KCTD16: variants seen among roughly 807,000 people sequenced by gnomAD.
KCTD16 encodes the protein BTB/POZ domain-containing protein KCTD16.
Under a neutral mutation model 33.2 loss-of-function variants are expected in KCTD16, and 13 were observed. The observed-to-expected ratio is 0.39, with a 90% CI of 0.25 to 0.62. KCTD16 has a LOEUF of 0.62. Ranked by LOEUF, KCTD16 falls within the 20% of genes least tolerant of loss-of-function variation. KCTD16 has a pLI of 0.50. For missense variants in KCTD16, 441 were observed against 525.1 expected, an observed-to-expected ratio of 0.84 and a Z score of 1.57; for synonymous variants, 197 against 195.3, an observed-to-expected ratio of 1.01 and a Z score of -0.07.
At chr5:144,224,059 A>G (rs1488178196) in intron 3 of KCTD16, among the ~76,000 whole-genome samples, 1 of 151,950 alleles carries the variant, frequency 6.6e-6, no homozygotes, top group East Asian at 1.9e-4. Flanking sequence ...GTTCATTTTT[A>G]TTTGTTTTGT....
At chr5:144,242,390 A>C (rs1754428490) in intron 3 of KCTD16, among the ~76,000 whole-genome samples, 1 of 152,112 alleles carries the variant, frequency 6.6e-6, no homozygotes, top group African/African-American at 2.4e-5. Flanking sequence ...AAACCATAGA[A>C]AATTATATAC....
intron 3 of KCTD16, among the ~76,000 whole-genome samples, chr5:144,218,507 A>C (rs917499412): frequency 6.6e-6 from 1 of 152,128 alleles, no homozygotes; most frequent in African/African-American, 2.4e-5. Flanking sequence ...TAGCTGTGCA[A>C]ATGATATTAT....
intron 3 of KCTD16, among the ~76,000 whole-genome samples, chr5:144,362,130 A>G (rs1751728429): frequency 6.6e-6 from 1 of 152,122 alleles, no homozygotes; most frequent in African/African-American, 2.4e-5. Context: ...TCTTCAAACT[A>G]CTAGAGCAAC....
At chr5:144,304,005 C>A (rs1364762127) in intron 3 of KCTD16, among the ~76,000 whole-genome samples, 2 of 152,142 alleles carry the variant, frequency 1.3e-5, no homozygotes, top group Non-Finnish European at 2.9e-5. Flanking sequence ...CCATAATTGC[C>A]ATTTTACCAC....
intron 3 of KCTD16, among the ~76,000 whole-genome samples, chr5:144,379,640 G>T (rs185764052): frequency 6.6e-6 from 1 of 152,058 alleles, no homozygotes; most frequent in Non-Finnish European, 1.5e-5. Flanking sequence ...CTTTGTATGG[G>T]TATGACAGAA....
chr5:144,427,263 G>T (rs939575337), intron 3 of KCTD16, among the ~76,000 whole-genome samples: 1 of 151,862 alleles, frequency 6.6e-6, no homozygotes, highest in African/African-American at 2.4e-5. Context: ...GGGGGAGGGG[G>T]GTGAGTATCT....
intron 3 of KCTD16, among the ~76,000 whole-genome samples, chr5:144,322,856 C>A (rs2126885670): frequency 6.6e-6 from 1 of 152,100 alleles, no homozygotes; most frequent in South Asian, 2.1e-4. Context: ...CTGGTTTGGG[C>A]TAGGGGTAAG....
At chr5:144,424,004 C>T (rs1753268198) in intron 3 of KCTD16, among the ~76,000 whole-genome samples, 1 of 152,114 alleles carries the variant, frequency 6.6e-6, no homozygotes, top group Admixed American at 6.6e-5. Context: ...AAAGTCCTCA[C>T]ATTAAAAGGG....
intron 3 of KCTD16, among the ~76,000 whole-genome samples, chr5:144,227,411 G>A (rs1171126617): frequency 6.6e-6 from 1 of 152,178 alleles, no homozygotes. Context: ...ACTGGTAAGG[G>A]AGGAAGAGGC....
intron 2 of KCTD16, among the ~76,000 whole-genome samples, chr5:144,195,745 C>T (rs1752928328): frequency 6.6e-6 from 1 of 152,196 alleles, no homozygotes; most frequent in Non-Finnish European, 1.5e-5. Flanking sequence ...TAAATGAGTG[C>T]CTCTCTGATT....
chr5:144,274,625 C>T (rs568631409), intron 3 of KCTD16, among the ~76,000 whole-genome samples: 137 of 152,206 alleles, frequency 9.0e-4, no homozygotes, highest in African/African-American at 3.1e-3. Context: ...AGGACTCTAC[C>T]TGTGTCTGAA....
intron 3 of KCTD16, among the ~76,000 whole-genome samples, chr5:144,234,456 A>C (rs1311772795): frequency 6.6e-6 from 1 of 152,138 alleles, no homozygotes; most frequent in Non-Finnish European, 1.5e-5. Flanking sequence ...AGGTGATATC[A>C]GAGGTGTTGA....
Position 144,457,180 on chromosome 5 carries a change from A to G in KCTD16, c.833-16480A>G, listed in dbSNP as rs79593996. 1.6e-3 allele frequency among the ~76,000 whole-genome samples: 238 copies of G among 152,368 alleles called. 1 individual carries two copies. Among genetic ancestry groups the G allele is most frequent in the African/African-American group, 5.4e-3 (226 of 41,586 alleles). On this transcript the variant is annotated intron_variant, in intron 3 of 3. Transcript: ENST00000512467. ...TTGTTTCATTTATTTGCTCCCTCCAATGACTCGGGCCAGGTGGCCCTTACA... is the reference window on the plus strand; with the variant it reads ...TTGTTTCATTTATTTGCTCCCTCCAGTGACTCGGGCCAGGTGGCCCTTACA...
At chr5:144,241,053 C>A (rs904478612) in intron 3 of KCTD16, among the ~76,000 whole-genome samples, 2 of 152,100 alleles carry the variant, frequency 1.3e-5, no homozygotes, top group African/African-American at 4.8e-5. Flanking sequence ...TGCTTGGAAG[C>A]TACTACAATG....
chr5:144,462,735 T>C (rs1229825230), intron 3 of KCTD16, among the ~76,000 whole-genome samples: 1 of 152,188 alleles, frequency 6.6e-6, no homozygotes, highest in Non-Finnish European at 1.5e-5. Context: ...ACAATGACCA[T>C]GCTATTTATG....
intron 3 of KCTD16, among the ~76,000 whole-genome samples, chr5:144,462,353 G>A (rs540599999): frequency 3.1e-4 from 47 of 152,032 alleles, no homozygotes; most frequent in African/African-American, 1.1e-3. Flanking sequence ...TTTAATATTT[G>A]CCAGCTAATC....
At chr5:144,297,836 C>T (rs1207510183) in intron 3 of KCTD16, among the ~76,000 whole-genome samples, 1 of 152,364 alleles carries the variant, frequency 6.6e-6, no homozygotes, top group Admixed American at 6.5e-5. Flanking sequence ...CCGGCAACGG[C>T]TACCCTCTTT....
chr5:144,433,356 C>A (rs955989433), intron 3 of KCTD16, among the ~76,000 whole-genome samples: 1 of 152,128 alleles, frequency 6.6e-6, no homozygotes, highest in African/African-American at 2.4e-5. Context: ...ACAGACTGTA[C>A]TGAATGGGAC....
At chr5:144,469,445 G>C (rs950358284) in intron 3 of KCTD16, among the ~76,000 whole-genome samples, 2 of 152,182 alleles carry the variant, frequency 1.3e-5, no homozygotes, top group African/African-American at 4.8e-5. Flanking sequence ...GTAGTGTATT[G>C]ATGGAAACAT....
Sources: allele counts gnomAD v4.1 joint callset (sites outside exome capture counted in the v4.1 genomes callset), GRCh38; gene constraint gnomAD v4.1.1; transcripts MANE v1.5; gene names NCBI Gene and HGNC (gene_info 2026-07-23, HGNC 2026-07-21).